ARID2: variants seen among roughly 807,000 people sequenced by gnomAD.
ARID2 encodes the protein AT-rich interaction domain 2.
In ARID2, 32 loss-of-function variants were observed where a neutral mutation model predicts 184.6. That is an observed-to-expected ratio of 0.17 (90% CI 0.13 to 0.23). The LOEUF is 0.23. ARID2 is among the 10% of genes least tolerant of loss of function. The probability of loss-of-function intolerance (pLI) is 1.00; values close to 1 mark genes in which losing one functional copy is unlikely to be tolerated. For synonymous variants in ARID2, 836 were observed against 772.6 expected (o/e 1.08, Z -1.36); for missense variants, 1,696 against 2,197.6 (o/e 0.77, Z 4.56).
intron 3 of ARID2, among the ~76,000 whole-genome samples, chr12:45,748,188 C>T (rs959424449): frequency 6.6e-6 from 1 of 152,038 alleles, no homozygotes; most frequent in Non-Finnish European, 1.5e-5. Flanking sequence ...CTCAAGCTGC[C>T]TAGTGAGTTT....
rs143997136 is a variant in ARID2, at chr12:45,855,376, A to G, written c.4773+2480A>G. On this transcript the variant is annotated intron_variant, in intron 15 of 20. Coordinates refer to ENST00000334344, the MANE Select transcript of ARID2 (RefSeq NM_152641.4). Reference sequence around the variant, plus strand: ...GGTACATTCTTTATTTCTAAAACTGATATTTGGTTGTCTTATAGAAATTTA... The same window carrying G: ...GGTACATTCTTTATTTCTAAAACTGGTATTTGGTTGTCTTATAGAAATTTA... Among the ~76,000 whole-genome samples, 1,377 of 152,300 alleles carry G rather than the reference A, an allele frequency of 9.0e-3. 11 individuals carry two copies. Among genetic ancestry groups the G allele is most frequent in the Middle Eastern group, 0.017 (5 of 294 alleles).
rs115057604 is a variant in ARID2 at position 45,739,295 on chromosome 12, T to C, written c.284+7981T>C. Among the ~76,000 whole-genome samples, 630 of 152,194 alleles carry C rather than the reference T, an allele frequency of 4.1e-3. 9 individuals are homozygous for C. Among genetic ancestry groups the C allele is most frequent in the African/African-American group, 0.014 (597 of 41,528 alleles). On this transcript the variant is annotated intron_variant, in intron 3 of 20. Coordinates refer to ENST00000334344, the MANE Select transcript of ARID2 (RefSeq NM_152641.4). The stretch of plus-strand genomic sequence containing the variant: ...CGCCCGGCCAGAGCATTGTCTTAAT[T>C]GTCTTATAGATAATCCTACATTATC...
At chr12:45,778,657 T>C (rs1942032640) in intron 3 of ARID2, among the ~76,000 whole-genome samples, 1 of 152,094 alleles carries the variant, frequency 6.6e-6, no homozygotes, top group African/African-American at 2.4e-5. Context: ...TCAGAGTTTC[T>C]ACTTAATTTT....
Position 45,852,498 on chromosome 12 carries a change from G to A in ARID2, c.4375G>A (p.Asp1459Asn), listed in dbSNP as rs2138179241. The A allele has an allele frequency of 1.2e-6, 2 of 1,614,138 alleles. No homozygotes were observed. Among genetic ancestry groups the A allele is most frequent in the Non-Finnish European group, 1.7e-6 (2 of 1,179,994 alleles). Residue 1459 changes from aspartate to asparagine, a missense_variant, in exon 15 of 21, where the codon GAT (aspartate) becomes AAT (asparagine). By Grantham distance (23) the Asp-to-Asn change is conservative. Coordinates refer to ENST00000334344, the MANE Select transcript of ARID2 (RefSeq NM_152641.4). The part of the protein sequence containing the change: ...NGPLASSLNS[D>N]VPQQRPSVVV... ...ACCTCTAGCTTCAAGTTTGAATTCAGATGTGCCTCAGCAACGCCCAAGTGT... is the reference window on the plus strand; with the variant it reads ...ACCTCTAGCTTCAAGTTTGAATTCAAATGTGCCTCAGCAACGCCCAAGTGT...
In ARID2 at chr12:45,905,953, T is replaced by C. The variant is rs1281671451; in HGVS notation, c.*875T>C. 4.5e-4 allele frequency: 77 copies of C among 170,172 alleles called. No homozygotes were observed. Among genetic ancestry groups the C allele is most frequent in the Middle Eastern group, 2.0e-3 (1 of 506 alleles). 10.5% of individuals were successfully genotyped at this position (170,172 alleles called of 1,614,324 possible). ...TTTTTCTTTTTTCTTTTTTTTTTTC[T>C]TTTTTTTTTTGTATTATACACCTTG... On this transcript the variant is annotated 3_prime_UTR_variant, in exon 21 of 21. Transcript: ENST00000334344.
chr12:45,765,135 C>T (rs1449380396), intron 3 of ARID2, among the ~76,000 whole-genome samples: 1 of 151,910 alleles, frequency 6.6e-6, no homozygotes, highest in Non-Finnish European at 1.5e-5. Flanking sequence ...TGTTTTTTTC[C>T]ACTGTATATA....
chr12:45,856,137 T>G (rs1484273877), intron 15 of ARID2, among the ~76,000 whole-genome samples: 12 of 142,192 alleles, frequency 8.4e-5, no homozygotes, highest in African/African-American at 3.1e-4. Context: ...TGCGGTGGCA[T>G]GATGTCAGCT....
At chr12:45,834,238 T>C (rs1322943176) in intron 6 of ARID2, among the ~76,000 whole-genome samples, 1 of 152,140 alleles carries the variant, frequency 6.6e-6, no homozygotes, top group Non-Finnish European at 1.5e-5. Flanking sequence ...CTTGAAAGTA[T>C]TTTTCTAAAT....
At chr12:45,778,131 C>T (rs1326192698) in intron 3 of ARID2, among the ~76,000 whole-genome samples, 6 of 151,934 alleles carry the variant, frequency 3.9e-5, no homozygotes, top group East Asian at 1.9e-4. Flanking sequence ...CGCTTGAACC[C>T]GGGAGGCAGA....
At chr12:45,879,955 G>A (rs534514242) in intron 16 of ARID2, among the ~76,000 whole-genome samples, 3 of 152,262 alleles carry the variant, frequency 2.0e-5, no homozygotes, top group Admixed American at 6.5e-5. Flanking sequence ...TTTATATTAA[G>A]TGTTTTTAGG....
intron 3 of ARID2, among the ~76,000 whole-genome samples, chr12:45,759,343 G>A (rs903307367): frequency 3.4e-4 from 51 of 152,148 alleles, no homozygotes; most frequent in African/African-American, 1.1e-3. Flanking sequence ...ATATTATTTG[G>A]CATGCAGATA....
intron 11 of ARID2, 118 bp from the exon 12 acceptor site, chr12:45,846,738 T>A (rs1458291623): frequency 6.1e-6 from 5 of 817,614 alleles, no homozygotes; most frequent in African/African-American, 1.7e-5. Flanking sequence ...TTCATATGTT[T>A]ATACACCTTT....
chr12:45,887,381 A>C (rs1944210463), intron 16 of ARID2, among the ~76,000 whole-genome samples: 1 of 152,194 alleles, frequency 6.6e-6, no homozygotes, highest in African/African-American at 2.4e-5. Context: ...TCTTTTGAAA[A>C]AGTAGCAGGA....
chr12:45,760,581 T>C (rs1257119886), intron 3 of ARID2, among the ~76,000 whole-genome samples: 2 of 152,154 alleles, frequency 1.3e-5, no homozygotes, highest in East Asian at 3.8e-4. Context: ...TTATGTACAT[T>C]GAGACTGTAT....
chr12:45,747,681 C>T (rs1941385372), intron 3 of ARID2, among the ~76,000 whole-genome samples: 1 of 152,094 alleles, frequency 6.6e-6, no homozygotes, highest in Admixed American at 6.5e-5. Flanking sequence ...TCGTCTGTCC[C>T]TAAAGCTTAA....
At chr12:45,838,393 G>T (rs1943259950) in intron 10 of ARID2, among the ~76,000 whole-genome samples, 1 of 152,162 alleles carries the variant, frequency 6.6e-6, no homozygotes, top group African/African-American at 2.4e-5. Context: ...TTCTTATTGA[G>T]AAGTTAATGT....
chr12:45,763,257 T>G (rs1941712969), intron 3 of ARID2, among the ~76,000 whole-genome samples: 1 of 152,066 alleles, frequency 6.6e-6, no homozygotes, highest in Non-Finnish European at 1.5e-5. Flanking sequence ...GATCATGAGG[T>G]CAGGAGTTTG....
chr12:45,893,607 C>CT (rs754215173), intron 19 of ARID2, 23 bp from the exon 20 acceptor site: 46 of 1,600,908 alleles, frequency 2.9e-5, no homozygotes, highest in East Asian at 6.7e-5. Context: ...GATCTTTATT[C>CT]TTTTTTTTCC....
intron 16 of ARID2, among the ~76,000 whole-genome samples, chr12:45,876,219 GATGAAGGTAACAGCCAGTCAATGGA>G (rs1166264670): frequency 2.0e-5 from 3 of 152,196 alleles, no homozygotes; most frequent in Non-Finnish European, 4.4e-5. Context: ...TGGAGAGAGA[GATGAAGGTAACAGCCAGTCAATGGA>G]GTACTCAAAA....
Sources: allele counts gnomAD v4.1 joint callset (sites outside exome capture counted in the v4.1 genomes callset), GRCh38; gene constraint gnomAD v4.1.1; transcripts MANE v1.5; gene names NCBI Gene and HGNC (gene_info 2026-07-23, HGNC 2026-07-21).